AGPAT5: variants seen among roughly 807,000 people sequenced by gnomAD.
AGPAT5 encodes the protein 1-acylglycerol-3-phosphate O-acyltransferase 5.
Under a neutral mutation model 45.6 loss-of-function variants are expected in AGPAT5, and 46 were observed. The ratio of observed to expected loss-of-function variants is 1.01; its 90% CI spans 0.80 to 1.29. The LOEUF (loss-of-function observed/expected upper bound fraction) is 1.29. Ranked by LOEUF, AGPAT5 falls within the 50% of genes most tolerant of loss-of-function variation. The pLI is 0.00. For missense variants in AGPAT5, 673 were observed against 450.7 expected (o/e 1.49, Z -4.47); for synonymous variants, 272 against 167.0 (o/e 1.63, Z -4.85).
rs76911147 is a variant in AGPAT5 at position 6,728,833 on chromosome 8, A to G, written c.290-1878A>G. On this transcript the variant is annotated intron_variant, in intron 2 of 7. Transcript: ENST00000285518. ...GTTTCTAAGACATGACTAGAAAGAA[A>G]TATGTTTATCAGTTATTATTTCTTC... 7.2e-3 allele frequency among the ~76,000 whole-genome samples: 1,099 copies of G among 152,324 alleles called. 65 individuals are homozygous for G. The East Asian group carries it at 0.14, about 20-fold the overall frequency.
intron 4 of AGPAT5, among the ~76,000 whole-genome samples, chr8:6,738,732 C>A (rs920241992): frequency 1.1e-4 from 16 of 152,096 alleles, no homozygotes; most frequent in Non-Finnish European, 2.9e-5. Flanking sequence ...CTGTTACTTA[C>A]CTTTTCCTAT....
chr8:6,743,160 A>C (rs1801293516), intron 5 of AGPAT5, among the ~76,000 whole-genome samples: 1 of 151,940 alleles, frequency 6.6e-6, no homozygotes, highest in South Asian at 2.1e-4. Flanking sequence ...CCTCCTTTCC[A>C]GCCTCTTTCT....
chr8:6,710,036 G>T (rs149338462), intron 1 of AGPAT5, among the ~76,000 whole-genome samples: 1 of 152,214 alleles, frequency 6.6e-6, no homozygotes, highest in East Asian at 1.9e-4. Context: ...CTAAATGTAT[G>T]ATTTTTATCA....
At chr8:6,714,859 T>G (rs1032586325) in intron 1 of AGPAT5, among the ~76,000 whole-genome samples, 2 of 152,270 alleles carry the variant, frequency 1.3e-5, no homozygotes, top group African/African-American at 4.8e-5. Flanking sequence ...ATACCTAGTT[T>G]ACTTTCCCTC....
chr8:6,721,015 GC>G (rs1563285443), intron 1 of AGPAT5, among the ~76,000 whole-genome samples: 1 of 152,092 alleles, frequency 6.6e-6, no homozygotes, highest in African/African-American at 2.4e-5. Flanking sequence ...GCTGAAGAAA[GC>G]AAAAGGAAAA....
At chr8:6,748,269 A>T (rs148551847) in intron 6 of AGPAT5, among the ~76,000 whole-genome samples, 69 of 152,096 alleles carry the variant, frequency 4.5e-4, no homozygotes, top group Non-Finnish European at 7.1e-4. Context: ...TTTTTTCCCC[A>T]AACATGTTAG....
At chr8:6,737,082 G>C (rs528887121) in intron 4 of AGPAT5, among the ~76,000 whole-genome samples, 2 of 152,306 alleles carry the variant, frequency 1.3e-5, no homozygotes, top group African/African-American at 2.4e-5. Context: ...CTGGTTATGG[G>C]CTACGAGAAT....
At position 6,757,191 on chromosome 8, in the gene AGPAT5, G is replaced by T; in HGVS notation, c.898G>T (p.Asp300Tyr). ...GCTTATAGAATTTTATGAGTCACCA[G>T]ATCCAGAAAGAAGAAAAAGATTTCC... The part of the protein sequence containing the change: ...KMLIEFYESP[D>Y]PERRKRFPGK... The change falls in exon 8 of 8, where the codon GAT becomes TAT. Residue 300 changes from aspartate (D) to tyrosine (Y), a missense_variant. Transcript: ENST00000285518. 6.2e-7 allele frequency: 1 copy of T among 1,613,936 alleles called. No individual in the cohort carries two copies.
chr8:6,743,577 G>T (rs1801313735), intron 5 of AGPAT5, among the ~76,000 whole-genome samples: 1 of 152,230 alleles, frequency 6.6e-6, no homozygotes, highest in South Asian at 2.1e-4. Flanking sequence ...GGAAGAAGCT[G>T]TTCAGATGGG....
intron 4 of AGPAT5, among the ~76,000 whole-genome samples, chr8:6,740,795 A>C (rs1801222867): frequency 6.6e-6 from 1 of 152,048 alleles, no homozygotes; most frequent in African/African-American, 2.4e-5. Context: ...ACTGTCTGAG[A>C]TCTGGCAAGA....
chr8:6,755,014 A>G (rs1801786306), intron 6 of AGPAT5, 37 bp from the exon 7 acceptor site: 7 of 1,522,484 alleles, frequency 4.6e-6, no homozygotes, highest in African/African-American at 2.8e-5. Context: ...GAGTTCTAAA[A>G]TAGTAAAAAA....
intron 4 of AGPAT5, 49 bp downstream of exon 4, chr8:6,732,699 A>G (rs746699136): frequency 7.2e-7 from 1 of 1,395,196 alleles, no homozygotes; most frequent in Non-Finnish European, 9.8e-7. Flanking sequence ...CAGTTTCTAA[A>G]TTTAAGAATT....
At chr8:6,714,643 TC>T (rs1456636473) in intron 1 of AGPAT5, among the ~76,000 whole-genome samples, 1 of 152,240 alleles carries the variant, frequency 6.6e-6, no homozygotes, top group African/African-American at 2.4e-5. Flanking sequence ...CGTACACCTT[TC>T]CTAGGTACAT....
intron 4 of AGPAT5, among the ~76,000 whole-genome samples, chr8:6,735,715 A>G (rs2116911771): frequency 6.6e-6 from 1 of 152,230 alleles, no homozygotes; most frequent in Non-Finnish European, 1.5e-5. Context: ...TGGCAGTAGT[A>G]TTCCTTCAGC....
chr8:6,757,229 T>C lies in AGPAT5; in HGVS notation c.936T>C (p.Val312=), dbSNP rs1801875340. 8.7e-6 allele frequency: 14 copies of C among 1,614,236 alleles called. No homozygotes were observed. The Admixed American group carries it at 2.2e-4, about 25-fold the overall frequency. The part of the protein sequence containing the change: ...ERRKRFPGKS[V]NSKLSIKKTL... Reference sequence around the variant, plus strand: ...GAAAAAGATTTCCTGGGAAAAGTGTTAATTCCAAATTAAGTATCAAGAAGA... The same window carrying C: ...GAAAAAGATTTCCTGGGAAAAGTGTCAATTCCAAATTAAGTATCAAGAAGA... The change falls in exon 8 of 8, where the codon GTT becomes GTC. Residue 312 remains valine, a synonymous_variant. Transcript: ENST00000285518.
chr8:6,719,651 G>A (rs1051060303), intron 1 of AGPAT5, among the ~76,000 whole-genome samples: 3 of 152,212 alleles, frequency 2.0e-5, no homozygotes, highest in Non-Finnish European at 2.9e-5. Context: ...CACCCCTGGA[G>A]ATGGGTAGCC....
At chr8:6,711,897 C>A (rs191196324) in intron 1 of AGPAT5, among the ~76,000 whole-genome samples, 20 of 152,326 alleles carry the variant, frequency 1.3e-4, no homozygotes, top group Middle Eastern at 3.4e-3. Context: ...GGGTTTAGAG[C>A]CCACCTGGAT....
At chr8:6,756,753 G>C (rs569934916) in intron 7 of AGPAT5, among the ~76,000 whole-genome samples, 278 of 152,302 alleles carry the variant, frequency 1.8e-3, no homozygotes, top group Admixed American at 5.0e-3. Flanking sequence ...TGTCGATACA[G>C]AGGGACCGCT....
At chr8:6,713,124 A>G (rs1800207517) in intron 1 of AGPAT5, among the ~76,000 whole-genome samples, 1 of 152,106 alleles carries the variant, frequency 6.6e-6, no homozygotes, top group African/African-American at 2.4e-5. Flanking sequence ...CCGTGCCATT[A>G]TTTCTAGCTA....
Sources: gnomAD v4.1 joint callset for allele counts (sites outside exome capture counted in the v4.1 genomes callset) on GRCh38, gnomAD v4.1.1 for gene constraint, MANE v1.5 for transcripts, NCBI Gene and HGNC (gene_info 2026-07-23, HGNC 2026-07-21) for gene names.